WWOX: variants seen among roughly 807,000 people sequenced by gnomAD.
WWOX encodes the protein WW domain-containing oxidoreductase.
WWOX carries 69 observed loss-of-function variants against 46.2 expected under a neutral mutation model. The ratio of observed to expected loss-of-function variants is 1.49; its 90% CI spans 1.23 to 1.82. The LOEUF is 1.82. Ranked by LOEUF, WWOX falls within the 40% of genes most tolerant of loss-of-function variation. The pLI is 0.00. For synonymous variants in WWOX, 359 were observed against 202.6 expected, an observed-to-expected ratio of 1.77 and a Z score of -6.56; for missense variants, 919 against 542.6, an observed-to-expected ratio of 1.69 and a Z score of -6.89.
chr16:79,061,141 T>G (rs984363710), intron 8 of WWOX, among the ~76,000 whole-genome samples: 1 of 152,142 alleles, frequency 6.6e-6, no homozygotes, highest in African/African-American at 2.4e-5. Context: ...CTCAATCCTT[T>G]ATGTTGAGGG....
intron 5 of WWOX, among the ~76,000 whole-genome samples, chr16:78,368,477 G>A (rs1004749780): frequency 6.6e-6 from 1 of 152,144 alleles, no homozygotes; most frequent in South Asian, 2.1e-4. Context: ...TTTTCAATGT[G>A]GTAAAAGCTC....
At chr16:79,149,960 A>G (rs2050247041) in intron 8 of WWOX, among the ~76,000 whole-genome samples, 1 of 152,230 alleles carries the variant, frequency 6.6e-6, no homozygotes, top group South Asian at 2.1e-4. Flanking sequence ...GCCGATGACC[A>G]GTAAGACCAC....
intron 8 of WWOX, among the ~76,000 whole-genome samples, chr16:78,719,990 T>C (rs2048653385): frequency 6.6e-6 from 1 of 152,230 alleles, no homozygotes; most frequent in Non-Finnish European, 1.5e-5. Flanking sequence ...TGGAAGGTTT[T>C]TTTCAGTTTA....
At chr16:78,479,733 A>C (rs529916378) in intron 8 of WWOX, among the ~76,000 whole-genome samples, 1 of 152,232 alleles carries the variant, frequency 6.6e-6, no homozygotes, top group Non-Finnish European at 1.5e-5. Flanking sequence ...ATATAGTGAC[A>C]GCCTCTGGCC....
chr16:78,886,311 C>G (rs564157525), intron 8 of WWOX, among the ~76,000 whole-genome samples: 1 of 150,028 alleles, frequency 6.7e-6, no homozygotes, highest in East Asian at 1.9e-4. Context: ...TACTTTTTGC[C>G]TCATGAATCT....
intron 8 of WWOX, among the ~76,000 whole-genome samples, chr16:78,487,678 T>C (rs1270819057): frequency 6.6e-6 from 1 of 152,092 alleles, no homozygotes; most frequent in Non-Finnish European, 1.5e-5. Context: ...AGATACCATC[T>C]CTCCCAGTAG....
At chr16:78,851,147 C>A (rs551466635) in intron 8 of WWOX, among the ~76,000 whole-genome samples, 1 of 152,126 alleles carries the variant, frequency 6.6e-6, no homozygotes, top group Non-Finnish European at 1.5e-5. Context: ...ATGGCTTTCA[C>A]CCTCAAACTT....
intron 5 of WWOX, among the ~76,000 whole-genome samples, chr16:78,347,016 C>A (rs574779483): frequency 8.4e-6 from 1 of 119,430 alleles, no homozygotes; most frequent in African/African-American, 2.8e-5. Flanking sequence ...TGAGCCACAG[C>A]GCCCGGTGGT....
At chr16:78,440,435 T>G (rs1054276731) in intron 8 of WWOX, among the ~76,000 whole-genome samples, 3 of 152,092 alleles carry the variant, frequency 2.0e-5, no homozygotes, top group Non-Finnish European at 4.4e-5. Context: ...GGAAGCAGTT[T>G]TGGTCTCTCA....
intron 8 of WWOX, among the ~76,000 whole-genome samples, chr16:78,931,935 A>G (rs776632854): frequency 1.3e-5 from 2 of 152,118 alleles, no homozygotes; most frequent in South Asian, 4.1e-4. Flanking sequence ...GTCCCATGAG[A>G]TCTGATGGTT....
At chr16:78,580,047 A>G (rs1018543139) in intron 8 of WWOX, among the ~76,000 whole-genome samples, 21 of 151,378 alleles carry the variant, frequency 1.4e-4, no homozygotes, top group African/African-American at 4.8e-4. Context: ...AGCAAGGGCC[A>G]TGTTTGCTGT....
Position 78,771,773 on chromosome 16 carries a change from C to CAATA in WWOX, c.1056+339059_1056+339062dup, listed in dbSNP as rs60862470. Among the ~76,000 whole-genome samples, 774 of 144,472 alleles carry CAATA rather than the reference C, an allele frequency of 5.4e-3. 3 individuals carry two copies. Among genetic ancestry groups the CAATA allele is most frequent in the African/African-American group, 8.9e-3 (346 of 39,014 alleles). The allele number at this position is 144,472 out of a possible 152,430, so 94.8% of individuals were successfully genotyped here. A position where few individuals can be genotyped will look rare whatever the true frequency, so the allele number is the denominator to read the frequency against. On this transcript the variant is annotated intron_variant, in intron 8 of 8. Transcript: ENST00000566780. ...GGCAACAGAGTAAGACTCTGTCTCA[C>CAATA]AATAAATAAATAAATAAATAAATAA...
chr16:78,900,892 C>G (rs1364923770), intron 8 of WWOX, among the ~76,000 whole-genome samples: 5 of 150,310 alleles, frequency 3.3e-5, no homozygotes, highest in Admixed American at 1.3e-4. Flanking sequence ...TGGGAGATGG[C>G]TACAATACAG....
chr16:78,765,160 C>T (rs73573753), intron 8 of WWOX, among the ~76,000 whole-genome samples: 393 of 152,210 alleles, frequency 2.6e-3, no homozygotes, highest in African/African-American at 8.8e-3. Flanking sequence ...TCACAGTGGC[C>T]CCACAGTGTG....
At chr16:79,010,977 GCTC>G (rs1335944900) in intron 8 of WWOX, among the ~76,000 whole-genome samples, 6 of 152,032 alleles carry the variant, frequency 3.9e-5, no homozygotes, top group Non-Finnish European at 5.9e-5. Context: ...GTTTGGGCAG[GCTC>G]TGAGTAGAGG....
intron 8 of WWOX, among the ~76,000 whole-genome samples, chr16:79,028,998 G>T (rs2047700967): frequency 6.6e-6 from 1 of 151,828 alleles, no homozygotes; most frequent in Non-Finnish European, 1.5e-5. Flanking sequence ...CCATGTCTTT[G>T]AAAAATAAGC....
rs183965811 is a variant in WWOX, at chr16:79,145,853, A to G, written c.1057-65755A>G. ...CCCCATTCAAAATATTAACACAACTATCAGATATTTAAGAATAAATGTATA... is the reference window on the plus strand; with the variant it reads ...CCCCATTCAAAATATTAACACAACTGTCAGATATTTAAGAATAAATGTATA... On this transcript the variant is annotated intron_variant, in intron 8 of 8. Coordinates refer to ENST00000566780, the MANE Select transcript of WWOX (RefSeq NM_016373.4). Among the ~76,000 whole-genome samples, 5 of 152,316 alleles carry G rather than the reference A, an allele frequency of 3.3e-5. No homozygotes were observed. The East Asian group carries it at 5.8e-4, about 18-fold the overall frequency.
At chr16:78,489,962 A>C (rs2151459885) in intron 8 of WWOX, among the ~76,000 whole-genome samples, 1 of 152,316 alleles carries the variant, frequency 6.6e-6, no homozygotes, top group East Asian at 1.9e-4. Flanking sequence ...ATCATTTCCC[A>C]GATAACCAAT....
chr16:78,896,317 A>G (rs1002122737), intron 8 of WWOX: 2 of 152,148 alleles, frequency 1.3e-5, no homozygotes, highest in Admixed American at 1.3e-4. Context: ...GGATTGTAGA[A>G]TGACTGGCTT....
Sources: allele counts gnomAD v4.1 joint callset (sites outside exome capture counted in the v4.1 genomes callset), GRCh38; gene constraint gnomAD v4.1.1; transcripts MANE v1.5; gene names NCBI Gene and HGNC (gene_info 2026-07-23, HGNC 2026-07-21).